The following LRRIQ1 variants were observed in gnomAD, a reference collection of about 807,000 sequenced individuals.
LRRIQ1 encodes the protein leucine rich repeats and IQ motif containing 1.
LRRIQ1 carries 210 observed loss-of-function variants against 211.9 expected under a neutral mutation model. The ratio of observed to expected loss-of-function variants is 0.99; its 90% confidence interval spans 0.89 to 1.11. LRRIQ1 has a LOEUF of 1.11. LRRIQ1 is among the 50% of genes most tolerant of loss of function. LRRIQ1 has a pLI of 0.00. For missense variants in LRRIQ1, 2,136 were observed against 1,939.5 expected (o/e 1.10, Z -1.90); for synonymous variants, 699 against 650.1 (o/e 1.08, Z -1.14).
intron 19 of LRRIQ1, among the ~76,000 whole-genome samples, chr12:85,147,681 T>G (rs2708504): frequency 6.6e-6 from 1 of 150,926 alleles, no homozygotes; most frequent in Non-Finnish European, 1.5e-5. Context: ...GAAGTGGAGA[T>G]GAGTATTCCC....
At chr12:85,152,488 C>A (rs1209057084) in intron 20 of LRRIQ1, 119 bp downstream of exon 20, 1 of 588,038 alleles carries the variant, frequency 1.7e-6, no homozygotes, top group Non-Finnish European at 2.7e-6. Context: ...CTTTTAGAAG[C>A]CTCTGACTTC....
At chr12:85,109,084 C>G (rs1592812200) in intron 15 of LRRIQ1, among the ~76,000 whole-genome samples, 1 of 152,078 alleles carries the variant, frequency 6.6e-6, no homozygotes, top group Non-Finnish European at 1.5e-5. Flanking sequence ...GATCCTGGAT[C>G]TGACAATTTC....
At chr12:85,223,741 C>G (rs1040838455) in intron 24 of LRRIQ1, among the ~76,000 whole-genome samples, 2 of 151,622 alleles carry the variant, frequency 1.3e-5, no homozygotes, top group African/African-American at 4.8e-5. Flanking sequence ...ATATTTGCAC[C>G]AGGGATAACA....
At chr12:85,142,126 G>A (rs1889586746) in intron 19 of LRRIQ1, among the ~76,000 whole-genome samples, 1 of 151,216 alleles carries the variant, frequency 6.6e-6, no homozygotes, top group Non-Finnish European at 1.5e-5. Context: ...CATTTTGTTA[G>A]CATTTCTGGC....
chr12:85,182,894 A>G (rs1278002655), intron 24 of LRRIQ1, among the ~76,000 whole-genome samples: 1 of 152,138 alleles, frequency 6.6e-6, no homozygotes, highest in Admixed American at 6.6e-5. Context: ...GGCAGTGTTG[A>G]TCTGAAGGAG....
intron 15 of LRRIQ1, among the ~76,000 whole-genome samples, chr12:85,121,240 C>G (rs1887959920): frequency 6.6e-6 from 1 of 152,034 alleles, no homozygotes; most frequent in South Asian, 2.1e-4. Flanking sequence ...AGGGTAATAT[C>G]CTACCTCTTT....
At chr12:85,144,263 T>A (rs1020488809) in intron 19 of LRRIQ1, among the ~76,000 whole-genome samples, 1 of 151,698 alleles carries the variant, frequency 6.6e-6, no homozygotes, top group African/African-American at 2.4e-5. Context: ...TAAACAATCA[T>A]TTTAAATCTT....
At chr12:85,153,966 G>T in intron 22 of LRRIQ1, 46 bp from the exon 23 acceptor site, 1 of 1,264,392 alleles carries the variant, frequency 7.9e-7, no homozygotes, top group South Asian at 1.5e-5. Flanking sequence ...ATCTAAATAT[G>T]ATCCGGGTAT....
downstream of LRRIQ1, among the ~76,000 whole-genome samples, chr12:85,247,607 A>T (rs1227244376): frequency 6.6e-6 from 1 of 151,544 alleles, no homozygotes; most frequent in Non-Finnish European, 1.5e-5. Flanking sequence ...TGTTTATATC[A>T]TAGTTTTAGT....
At chr12:85,171,090 T>A (rs1012398737) in intron 24 of LRRIQ1, among the ~76,000 whole-genome samples, 1 of 152,102 alleles carries the variant, frequency 6.6e-6, no homozygotes. Context: ...AGACTTTAGA[T>A]AATGGAGATT....
In LRRIQ1 at chr12:85,124,351, C is replaced by A. The variant is rs1464323477; in HGVS notation, c.3839C>A (p.Ser1280Tyr). Residue 1280 changes from serine (S) to tyrosine (Y), a missense_variant, in exon 17 of 27, where the codon TCC becomes TAC. By Grantham distance (144) the Ser-to-Tyr change is moderately radical (BLOSUM62 -2). Coordinates refer to ENST00000393217, the MANE Select transcript of LRRIQ1 (RefSeq NM_001079910.2). ...TCCAGCCACTCCCCATTAAGCAAAT[C>A]CGCCACATGTGAAAATATGGAAGGA... ...SVSSHSPLSK[S>Y]ATCENMEGRH... The A allele has an allele frequency of 8.1e-6, 13 of 1,613,918 alleles. No homozygotes were observed. The highest frequency in any genetic ancestry group is 1.7e-5 in the Admixed American group (1 of 59,984).
At chr12:85,092,647 A>C (rs1250784077) in intron 11 of LRRIQ1, among the ~76,000 whole-genome samples, 1 of 152,212 alleles carries the variant, frequency 6.6e-6, no homozygotes, top group Non-Finnish European at 1.5e-5. Context: ...AATATTTGGC[A>C]TCTGGCTATA....
At chr12:85,136,619 C>T (rs1889151373) in intron 18 of LRRIQ1, among the ~76,000 whole-genome samples, 1 of 151,730 alleles carries the variant, frequency 6.6e-6, no homozygotes, top group South Asian at 2.1e-4. Flanking sequence ...TGGCTGTTAA[C>T]AAAGGTTGTG....
At chr12:85,147,335 A>AT (rs1889957678) in intron 19 of LRRIQ1, among the ~76,000 whole-genome samples, 1 of 151,824 alleles carries the variant, frequency 6.6e-6, no homozygotes, top group Non-Finnish European at 1.5e-5. Context: ...CACAAGTCTG[A>AT]TATAAAAAGT....
chr12:85,249,095 A>G (rs752574618), downstream of LRRIQ1, among the ~76,000 whole-genome samples: 17 of 151,778 alleles, frequency 1.1e-4, no homozygotes, highest in Non-Finnish European at 2.5e-4. Context: ...TTCCTCTAAT[A>G]TATTGAAAGA....
At chr12:85,188,959 T>C (rs1892358365) in intron 24 of LRRIQ1, among the ~76,000 whole-genome samples, 1 of 152,168 alleles carries the variant, frequency 6.6e-6, no homozygotes, top group Non-Finnish European at 1.5e-5. Context: ...CAAGGCAATG[T>C]TACCTATCCA....
chr12:85,048,874 A>T (rs1385609247), intron 6 of LRRIQ1, among the ~76,000 whole-genome samples: 3 of 152,196 alleles, frequency 2.0e-5, no homozygotes, highest in Non-Finnish European at 4.4e-5. Flanking sequence ...TTTCAATCCT[A>T]TTCAGCAAAG....
chr12:85,075,615 C>G (rs900695122), intron 11 of LRRIQ1, among the ~76,000 whole-genome samples: 8 of 152,022 alleles, frequency 5.3e-5, no homozygotes, highest in Admixed American at 3.3e-4. Flanking sequence ...ATGGATCCCC[C>G]CTACCCCAAT....
rs370503964 is a variant in LRRIQ1, at chr12:85,106,648, C to G, written c.3377+33C>G. On this transcript the variant is annotated intron_variant, in intron 15 of 26. Coordinates refer to ENST00000393217, the MANE Select transcript of LRRIQ1 (RefSeq NM_001079910.2). ...GGCATTGTTGCACCCCATGTATATC[C>G]ATTATTATAGTTGCAGAAAAAAGTT... The G allele has an allele frequency of 1.6e-5, 22 of 1,388,416 alleles. No homozygotes were observed. In the African/African-American group the frequency reaches 2.6e-4, roughly 16 times the overall value. The allele number at this position is 1,388,416 out of a possible 1,614,324, so 86.0% of individuals were successfully genotyped here.
Sources: allele counts gnomAD v4.1 joint callset (sites outside exome capture counted in the v4.1 genomes callset), GRCh38; gene constraint gnomAD v4.1.1; transcripts MANE v1.5; gene names NCBI Gene and HGNC (gene_info 2026-07-23, HGNC 2026-07-21).